The following SLC25A21 variants were observed in gnomAD, a reference collection of about 807,000 sequenced individuals.
The protein encoded by SLC25A21 is solute carrier family 25 member 21.
In SLC25A21, 47 loss-of-function variants were observed where a neutral mutation model predicts 43.8. That is an observed-to-expected ratio of 1.07 (90% CI 0.85 to 1.37). The LOEUF (loss-of-function observed/expected upper bound fraction) is 1.37, where lower values mean the gene tolerates loss of function less well. Among genes scored for constraint, SLC25A21 ranks in the 40% most tolerant of loss-of-function variants. SLC25A21 has a pLI of 0.00. For synonymous variants in SLC25A21, 131 were observed against 121.3 expected (o/e 1.08, Z -0.52); for missense variants, 352 against 350.2 (o/e 1.00, Z -0.04).
intron 3 of SLC25A21, among the ~76,000 whole-genome samples, chr14:36,764,099 G>A (rs12887761): frequency 0.011 from 312 of 29,000 alleles, 8 homozygotes; most frequent in East Asian, 0.041. Context: ...AAGGAAGGAA[G>A]GAAGGAAGGA....
At chr14:37,127,800 T>C (rs979921319) in intron 1 of SLC25A21, among the ~76,000 whole-genome samples, 3 of 152,216 alleles carry the variant, frequency 2.0e-5, no homozygotes, top group Non-Finnish European at 4.4e-5. Flanking sequence ...TCAACCAACA[T>C]AATTTTTCAT....
At chr14:37,082,982 G>C (rs751642600) in intron 1 of SLC25A21, among the ~76,000 whole-genome samples, 2 of 152,138 alleles carry the variant, frequency 1.3e-5, no homozygotes, top group African/African-American at 4.8e-5. Context: ...TAGTATTATT[G>C]TCTAAAGTTC....
intron 1 of SLC25A21, among the ~76,000 whole-genome samples, chr14:37,083,071 T>G (rs1467383175): frequency 6.6e-6 from 1 of 152,192 alleles, no homozygotes; most frequent in Non-Finnish European, 1.5e-5. Context: ...CTAACTGACT[T>G]AATAAATCAA....
intron 6 of SLC25A21, among the ~76,000 whole-genome samples, chr14:36,719,429 T>C (rs1030501042): frequency 6.6e-6 from 1 of 152,154 alleles, no homozygotes; most frequent in Non-Finnish European, 1.5e-5. Context: ...GTTTGAAGGA[T>C]GGGGGGAAAT....
At chr14:37,087,885 T>C (rs922699624) in intron 1 of SLC25A21, among the ~76,000 whole-genome samples, 2 of 152,212 alleles carry the variant, frequency 1.3e-5, no homozygotes, top group East Asian at 1.9e-4. Context: ...CACATCACCA[T>C]TGTGTGCCTC....
chr14:36,851,845 C>A (rs1422961119), intron 2 of SLC25A21, among the ~76,000 whole-genome samples: 4 of 152,034 alleles, frequency 2.6e-5, no homozygotes, highest in Non-Finnish European at 5.9e-5. Context: ...CTGATGTTTG[C>A]TTGCTTGCTT....
At chr14:36,989,707 A>C (rs935323405) in intron 1 of SLC25A21, among the ~76,000 whole-genome samples, 2 of 152,236 alleles carry the variant, frequency 1.3e-5, no homozygotes, top group African/African-American at 4.8e-5. Flanking sequence ...AATATCGCTT[A>C]ACGGCCCTGG....
At chr14:36,776,230 C>CTTTTTT (rs1328087696) in intron 3 of SLC25A21, among the ~76,000 whole-genome samples, 2,111 of 70,200 alleles carry the variant, frequency 0.03, 317 homozygotes, top group African/African-American at 0.099. Context: ...CTTTTTCTTT[C>CTTTTTT]TTTCTTTCTT....
chr14:36,922,385 G>A (rs1244155915), intron 1 of SLC25A21, among the ~76,000 whole-genome samples: 1 of 152,000 alleles, frequency 6.6e-6, no homozygotes, highest in Admixed American at 6.6e-5. Context: ...TGAAAAACAG[G>A]AAGGGACAAC....
chr14:36,770,598 T>C (rs979792631), intron 3 of SLC25A21, among the ~76,000 whole-genome samples: 1 of 152,184 alleles, frequency 6.6e-6, no homozygotes, highest in Non-Finnish European at 1.5e-5. Context: ...TTACACTATA[T>C]ATACACAGCA....
At chr14:36,948,730 G>C (rs1892733663) in intron 1 of SLC25A21, among the ~76,000 whole-genome samples, 1 of 151,996 alleles carries the variant, frequency 6.6e-6, no homozygotes, top group Non-Finnish European at 1.5e-5. Context: ...GAAATGTGTT[G>C]TAGATATAAA....
chr14:37,029,087 G>C (rs1961153424), intron 1 of SLC25A21, among the ~76,000 whole-genome samples: 1 of 152,122 alleles, frequency 6.6e-6, no homozygotes, highest in South Asian at 2.1e-4. Flanking sequence ...TGGGGTCAAT[G>C]TTCCTTAAAT....
intron 3 of SLC25A21, among the ~76,000 whole-genome samples, chr14:36,770,617 T>C (rs1425107939): frequency 2.0e-5 from 3 of 152,294 alleles, no homozygotes; most frequent in Middle Eastern, 3.4e-3. Flanking sequence ...CATTTGTTGT[T>C]GATTACTTGT....
chr14:36,849,175 G>A (rs1889641212), intron 2 of SLC25A21, among the ~76,000 whole-genome samples: 1 of 152,070 alleles, frequency 6.6e-6, no homozygotes, highest in Non-Finnish European at 1.5e-5. Flanking sequence ...TAAAATGTGG[G>A]AGTTTGAGTT....
intron 2 of SLC25A21, among the ~76,000 whole-genome samples, chr14:36,829,306 A>G (rs1400134303): frequency 6.6e-6 from 1 of 152,070 alleles, no homozygotes; most frequent in Non-Finnish European, 1.5e-5. Flanking sequence ...GTTAATGAAG[A>G]TCCCTGGCAG....
At chr14:36,788,373 C>T (rs1219983575) in intron 3 of SLC25A21, among the ~76,000 whole-genome samples, 3 of 151,616 alleles carry the variant, frequency 2.0e-5, no homozygotes, top group Admixed American at 2.0e-4. Flanking sequence ...TACCTGAGAA[C>T]GGCGGCTGTT....
chr14:36,737,345 G>A (rs1396314382), intron 3 of SLC25A21, among the ~76,000 whole-genome samples: 1 of 152,136 alleles, frequency 6.6e-6, no homozygotes, highest in African/African-American at 2.4e-5. Flanking sequence ...GATTTAATAT[G>A]AAAAGAGCTG....
chr14:36,914,253 A>G (rs1340980828), intron 1 of SLC25A21, among the ~76,000 whole-genome samples: 1 of 152,228 alleles, frequency 6.6e-6, no homozygotes, highest in Non-Finnish European at 1.5e-5. Context: ...ATGATTCGTC[A>G]GTGCTTTAGG....
chr14:36,877,155 A>G (rs983983018), intron 1 of SLC25A21, among the ~76,000 whole-genome samples: 1 of 152,138 alleles, frequency 6.6e-6, no homozygotes, highest in Non-Finnish European at 1.5e-5. Flanking sequence ...TTACCAAAGC[A>G]AGTACACAAA....
Sources: allele counts gnomAD v4.1 joint callset (sites outside exome capture counted in the v4.1 genomes callset), GRCh38; gene constraint gnomAD v4.1.1; transcripts MANE v1.5; gene names NCBI Gene and HGNC (gene_info 2026-07-23, HGNC 2026-07-21).